The following MPZL1 variants were observed in gnomAD, a reference collection of about 807,000 sequenced individuals.
The protein encoded by MPZL1 is myelin protein zero-like protein 1.
MPZL1 carries 16 observed loss-of-function variants against 29.3 expected under a neutral mutation model. The observed-to-expected ratio is 0.55, with a 90% CI of 0.37 to 0.83. MPZL1 has a LOEUF of 0.83. Ranked by LOEUF, MPZL1 falls within the 40% of genes least tolerant of loss-of-function variation. MPZL1 has a pLI of 0.00. For missense variants in MPZL1, 279 were observed against 332.9 expected (o/e 0.84, Z 1.26); for synonymous variants, 143 against 132.0 (o/e 1.08, Z -0.57).
intron 5 of MPZL1, among the ~76,000 whole-genome samples, chr1:167,780,680 C>G (rs529609735): frequency 9.1e-4 from 138 of 152,210 alleles, no homozygotes; most frequent in Non-Finnish European, 1.3e-3. Flanking sequence ...ATATCCCATA[C>G]CCTACAGTGG....
chr1:167,752,233 A>C (rs1341581833), intron 1 of MPZL1, among the ~76,000 whole-genome samples: 4 of 152,214 alleles, frequency 2.6e-5, no homozygotes, highest in African/African-American at 7.2e-5. Flanking sequence ...CTTTCATAAA[A>C]TATTCCCTGA....
At chr1:167,785,056 A>G (rs912566876) in intron 5 of MPZL1, among the ~76,000 whole-genome samples, 1 of 152,194 alleles carries the variant, frequency 6.6e-6, no homozygotes, top group African/African-American at 2.4e-5. Flanking sequence ...CTCACATAAT[A>G]TATCAATTAT....
At chr1:167,773,905 AAAAAG>A (rs370313220) in intron 4 of MPZL1, 6,978 of 150,520 alleles carry the variant, frequency 0.046, 188 homozygotes, top group Middle Eastern at 0.1. Context: ...AAAAAAAAAA[AAAAAG>A]AAAGAAAGAA....
chr1:167,769,729 A>G (rs1021443561), intron 2 of MPZL1, among the ~76,000 whole-genome samples: 7 of 152,234 alleles, frequency 4.6e-5, no homozygotes, highest in Non-Finnish European at 1.0e-4. Flanking sequence ...TATTTGATAA[A>G]TGTTATAATA....
chr1:167,769,158 G>T (rs988324562), intron 2 of MPZL1, among the ~76,000 whole-genome samples: 3 of 152,134 alleles, frequency 2.0e-5, no homozygotes, highest in African/African-American at 7.2e-5. Context: ...CACCTTGCAG[G>T]GTGGTTGTGA....
chr1:167,757,780 A>G (rs957551472), intron 1 of MPZL1, among the ~76,000 whole-genome samples: 1 of 152,236 alleles, frequency 6.6e-6, no homozygotes, highest in African/African-American at 2.4e-5. Flanking sequence ...TGGTAACATC[A>G]AAGTGCTTAA....
At chr1:167,773,567 T>G (rs1014039925) in intron 4 of MPZL1, 199 bp downstream of exon 4, 10 of 541,956 alleles carry the variant, frequency 1.8e-5, no homozygotes, top group Non-Finnish European at 2.7e-5. Flanking sequence ...TGGAATATGA[T>G]TCTAATCTCT....
In MPZL1 at chr1:167,722,002, C is replaced by G. The variant is rs1660036906; in HGVS notation, c.-150C>G. On this transcript the variant is annotated 5_prime_UTR_variant, in exon 1 of 6. Coordinates refer to ENST00000359523, the MANE Select transcript of MPZL1 (RefSeq NM_003953.6). The stretch of plus-strand genomic sequence containing the variant: ...TCGGTGCAGAGCTGGAGAGCCGCGG[C>G]TGGGACCGGAGTGGGGAGCGCGGCG... The G allele has an allele frequency of 6.2e-6, 7 of 1,134,858 alleles. No homozygotes were observed. The highest frequency in any genetic ancestry group is 4.5e-5 in the South Asian group (1 of 22,020). The allele number at this position is 1,134,858 out of a possible 1,614,324, so 70.3% of individuals were successfully genotyped here.
At chr1:167,728,135 G>T (rs187256221) in intron 1 of MPZL1, among the ~76,000 whole-genome samples, 2 of 149,182 alleles carry the variant, frequency 1.3e-5, no homozygotes, top group Non-Finnish European at 3.0e-5. Flanking sequence ...TTCCTCCCAC[G>T]TTCAAGCGAT....
At chr1:167,766,914 C>A (rs1476346828) in intron 2 of MPZL1, among the ~76,000 whole-genome samples, 1 of 152,168 alleles carries the variant, frequency 6.6e-6, no homozygotes, top group African/African-American at 2.4e-5. Context: ...TAGGGATTAC[C>A]TAAGGCAGTG....
At chr1:167,755,700 A>G (rs1660855819) in intron 1 of MPZL1, among the ~76,000 whole-genome samples, 1 of 152,192 alleles carries the variant, frequency 6.6e-6, no homozygotes, top group Admixed American at 6.5e-5. Context: ...TTGAGCCTTT[A>G]GTATTTAATG....
intron 1 of MPZL1, among the ~76,000 whole-genome samples, chr1:167,747,337 C>T (rs930988265): frequency 6.6e-6 from 1 of 152,158 alleles, no homozygotes; most frequent in African/African-American, 2.4e-5. Flanking sequence ...CTTCCCATCT[C>T]AGTCTCTCAA....
chr1:167,726,356 A>G (rs1571128746), intron 1 of MPZL1, among the ~76,000 whole-genome samples: 1 of 152,080 alleles, frequency 6.6e-6, no homozygotes, highest in Admixed American at 6.6e-5. Flanking sequence ...TAATTTCTAT[A>G]TGGTTTTTCT....
intron 1 of MPZL1, among the ~76,000 whole-genome samples, chr1:167,755,875 T>C (rs758878737): frequency 6.6e-6 from 1 of 152,038 alleles, no homozygotes; most frequent in Non-Finnish European, 1.5e-5. Flanking sequence ...GAATGAATGG[T>C]TGATTGAAGA....
chr1:167,767,899 TTC>T (rs1661153235), intron 2 of MPZL1, among the ~76,000 whole-genome samples: 1 of 151,226 alleles, frequency 6.6e-6, no homozygotes, highest in African/African-American at 2.4e-5. Flanking sequence ...GTTTTGTGTT[TTC>T]TGTCCTTTCC....
At position 167,726,268 on chromosome 1, in the gene MPZL1, A is replaced by G. The variant is rs569812350; in HGVS notation, c.91+4026A>G. On this transcript the variant is annotated intron_variant, in intron 1 of 5. Coordinates refer to ENST00000359523, the MANE Select transcript of MPZL1 (RefSeq NM_003953.6). ...CAGAGGCTCTAAGTTTCACATCTTT[A>G]GAGAGGCCTCTCTGACCACCTTATT... Among the ~76,000 whole-genome samples, 3 of 152,278 alleles carry G rather than the reference A, an allele frequency of 2.0e-5. No homozygotes were observed. In the South Asian group the frequency reaches 6.2e-4, roughly 32 times the overall value.
At chr1:167,768,265 T>C (rs1257964428) in intron 2 of MPZL1, among the ~76,000 whole-genome samples, 1 of 152,156 alleles carries the variant, frequency 6.6e-6, no homozygotes, top group African/African-American at 2.4e-5. Flanking sequence ...TAGCCTCACT[T>C]CTGTTCTCTT....
At chr1:167,757,324 A>C (rs1263036305) in intron 1 of MPZL1, among the ~76,000 whole-genome samples, 2 of 152,218 alleles carry the variant, frequency 1.3e-5, no homozygotes, top group East Asian at 3.9e-4. Context: ...AATCGTGTGG[A>C]ATTTTCACTG....
In MPZL1 at chr1:167,728,526, A is replaced by G. The variant is rs1032309065; in HGVS notation, c.91+6284A>G. Among the ~76,000 whole-genome samples, 3 of 152,148 alleles carry G rather than the reference A, an allele frequency of 2.0e-5. No homozygotes were observed. In the East Asian group the frequency reaches 5.8e-4, roughly 29 times the overall value. ...CCCAACCTATTCATTGTCTTTTTCA[A>G]TGCATGTGGCTACTGTAATTTTTTA... On this transcript the variant is annotated intron_variant, in intron 1 of 5. Coordinates refer to ENST00000359523, the MANE Select transcript of MPZL1 (RefSeq NM_003953.6).
Sources: allele counts gnomAD v4.1 joint callset (sites outside exome capture counted in the v4.1 genomes callset), GRCh38; gene constraint gnomAD v4.1.1; transcripts MANE v1.5; gene names NCBI Gene and HGNC (gene_info 2026-07-23, HGNC 2026-07-21).